Variants in AFF3 observed in about 807,000 individuals in gnomAD.
AFF3 encodes the protein AF4/FMR2 family member 3.
A neutral mutation model predicts 129.7 loss-of-function variants in AFF3; 32 were observed. That is an observed-to-expected ratio of 0.25 (90% CI 0.19 to 0.33). AFF3 has a LOEUF of 0.33. Ranked by LOEUF, AFF3 falls within the 10% of genes least tolerant of loss-of-function variation. The pLI is 1.00. For synonymous variants in AFF3, 644 were observed against 635.4 expected (o/e 1.01, Z -0.20); for missense variants, 1,373 against 1,592.0 (o/e 0.86, Z 2.34).
intron 19 of AFF3, among the ~76,000 whole-genome samples, chr2:99,567,286 G>A (rs1233588044): frequency 6.6e-6 from 1 of 151,976 alleles, no homozygotes; most frequent in Non-Finnish European, 1.5e-5. Flanking sequence ...GGCCTATAAT[G>A]CAACATTTCT....
At chr2:99,861,421 T>A (rs1690990546) in intron 7 of AFF3, among the ~76,000 whole-genome samples, 1 of 152,122 alleles carries the variant, frequency 6.6e-6, no homozygotes, top group South Asian at 2.1e-4. Flanking sequence ...TGTTTCAGTT[T>A]CCCCCACTAC....
At chr2:99,904,445 G>A (rs902437186) in intron 7 of AFF3, among the ~76,000 whole-genome samples, 2 of 150,628 alleles carry the variant, frequency 1.3e-5, no homozygotes, top group Non-Finnish European at 2.9e-5. Flanking sequence ...AATACACTCT[G>A]CCTTGGGGCC....
At chr2:99,886,840 A>G (rs1693149240) in intron 7 of AFF3, among the ~76,000 whole-genome samples, 1 of 152,202 alleles carries the variant, frequency 6.6e-6, no homozygotes, top group African/African-American at 2.4e-5. Context: ...TACCATATGT[A>G]TTTAGGATAC....
intron 4 of AFF3, among the ~76,000 whole-genome samples, chr2:100,039,506 A>T (rs1685249515): frequency 6.6e-6 from 1 of 152,062 alleles, no homozygotes; most frequent in Admixed American, 6.6e-5. Context: ...GCAATGAGCT[A>T]TGATGGCACC....
chr2:100,110,699 G>T (rs1173583870), intron 2 of AFF3, among the ~76,000 whole-genome samples: 1 of 152,194 alleles, frequency 6.6e-6, no homozygotes, highest in Non-Finnish European at 1.5e-5. Flanking sequence ...ACAAGAAGAA[G>T]CAGAGAGCAG....
chr2:99,707,436 T>C (rs2104838670), intron 11 of AFF3: 1 of 985,422 alleles, frequency 1.0e-6, no homozygotes, highest in Middle Eastern at 5.2e-4. Context: ...AAGTATCAGA[T>C]AATTTTTTTG....
intron 7 of AFF3, among the ~76,000 whole-genome samples, chr2:99,917,152 C>CA (rs1695527154): frequency 6.6e-6 from 1 of 152,196 alleles, no homozygotes; most frequent in African/African-American, 2.4e-5. Flanking sequence ...TACCCCATTG[C>CA]AGGGATATGG....
intron 20 of AFF3, among the ~76,000 whole-genome samples, chr2:99,563,030 T>TGGA (rs70940177): frequency 0.47 from 71,390 of 150,934 alleles, 19,931 homozygotes; most frequent in African/African-American, 0.79. Flanking sequence ...AGTTCCCTGG[T>TGGA]GAAGGGAATT....
In AFF3 at chr2:99,861,170, T is replaced by C. The variant is rs146277811; in HGVS notation, c.874-23646A>G. 4.7e-3 allele frequency among the ~76,000 whole-genome samples: 713 copies of C among 152,338 alleles called. 1 individual carries two copies. Among genetic ancestry groups the C allele is most frequent in the African/African-American group, 0.017 (689 of 41,578 alleles). ...GTAACAGACCAGATTTTCAGCAATGTTGCCAGTTAAATGATGGGTTTTGGT... is the reference window on the plus strand; with the variant it reads ...GTAACAGACCAGATTTTCAGCAATGCTGCCAGTTAAATGATGGGTTTTGGT... On this transcript the variant is annotated intron_variant, in intron 7 of 24. Transcript: ENST00000672756.
rs1476764673 is a variant in AFF3 at position 100,105,555 on chromosome 2, G to C, written c.-116C>G. On this transcript the variant is annotated 5_prime_UTR_variant, in exon 3 of 25. Coordinates refer to ENST00000672756, the MANE Select transcript of AFF3 (RefSeq NM_001386135.1). ...GGTGTCGACTTCAAACTTGCCGCCCGTCTCCGGTCTGGAAAGGCAGGTGAT... is the reference window on the plus strand; with the variant it reads ...GGTGTCGACTTCAAACTTGCCGCCCCTCTCCGGTCTGGAAAGGCAGGTGAT... The C allele has an allele frequency of 1.5e-6, 2 of 1,332,092 alleles. No homozygotes were observed. Among genetic ancestry groups the C allele is most frequent in the Non-Finnish European group, 2.0e-6 (2 of 1,005,092 alleles). The allele number at this position is 1,332,092 out of a possible 1,614,324, so 82.5% of individuals were successfully genotyped here.
At chr2:99,997,021 A>G (rs888760535) in intron 7 of AFF3, among the ~76,000 whole-genome samples, 7 of 151,936 alleles carry the variant, frequency 4.6e-5, no homozygotes, top group African/African-American at 1.7e-4. Context: ...GTTCCTTCTC[A>G]TCAGACTGAC....
At chr2:99,731,065 C>T (rs1679785261) in intron 10 of AFF3, among the ~76,000 whole-genome samples, 1 of 152,074 alleles carries the variant, frequency 6.6e-6, no homozygotes, top group African/African-American at 2.4e-5. Context: ...TCAAGTGATT[C>T]TCCTGCCTCA....
At chr2:99,589,843 CA>C (rs2104922300) in intron 15 of AFF3, among the ~76,000 whole-genome samples, 1 of 152,286 alleles carries the variant, frequency 6.6e-6, no homozygotes, top group East Asian at 1.9e-4. Flanking sequence ...GTTCAAAAAG[CA>C]GGAAAAGAGT....
At chr2:99,599,688 T>A (rs1679632254) in intron 14 of AFF3, among the ~76,000 whole-genome samples, 1 of 152,176 alleles carries the variant, frequency 6.6e-6, no homozygotes, top group East Asian at 1.9e-4. Flanking sequence ...TGGATGATCT[T>A]CACAGACACA....
intron 8 of AFF3, among the ~76,000 whole-genome samples, chr2:99,755,404 A>G (rs1682012774): frequency 6.6e-6 from 1 of 151,590 alleles, no homozygotes; most frequent in South Asian, 2.1e-4. Flanking sequence ...AGTAGCTGGG[A>G]TTACAGGCAT....
rs770634672 is a variant in AFF3 at position 99,554,373 on chromosome 2, T to C, written c.3497A>G (p.Asn1166Ser). 14 of 1,614,024 alleles carry C rather than the reference T, an allele frequency of 8.7e-6. No homozygotes were observed. The highest frequency in any genetic ancestry group is 3.3e-5 in the Admixed American group (2 of 59,996). ...QMAANHVSIT[N>S]SILHSYDYWE... Reference sequence around the variant, plus strand: ...GTAGTCGTAGCTGTGCAGGATGCTGTTGGTGATGCTGACGTGGTTGGCCGC... The same window carrying C: ...GTAGTCGTAGCTGTGCAGGATGCTGCTGGTGATGCTGACGTGGTTGGCCGC... Residue 1166 changes from asparagine to serine, a missense_variant, in exon 24 of 25, where the codon AAC (asparagine) becomes AGC (serine). Around this residue, in one of 9 missense-constraint regions of AFF3, gnomAD observed 165 missense variants for 234.0 expected, o/e 0.71. Coordinates refer to ENST00000672756, the MANE Select transcript of AFF3 (RefSeq NM_001386135.1).
intron 4 of AFF3, among the ~76,000 whole-genome samples, chr2:100,047,749 T>C (rs1685955507): frequency 6.6e-6 from 1 of 152,238 alleles, no homozygotes; most frequent in African/African-American, 2.4e-5. Flanking sequence ...TAAAACATCA[T>C]GTCCTCTGTG....
At chr2:100,118,725 A>G (rs1691826700) in intron 2 of AFF3, among the ~76,000 whole-genome samples, 2 of 152,008 alleles carry the variant, frequency 1.3e-5, no homozygotes, top group Non-Finnish European at 2.9e-5. Context: ...CCCAAATCTT[A>G]GCACTGTTTA....
chr2:100,005,555 T>C (rs773590505), intron 7 of AFF3, among the ~76,000 whole-genome samples: 5 of 152,222 alleles, frequency 3.3e-5, no homozygotes, highest in East Asian at 1.9e-4. Flanking sequence ...TAAATGCCTA[T>C]AGAAATTACA....
Sources: allele counts gnomAD v4.1 joint callset (sites outside exome capture counted in the v4.1 genomes callset), GRCh38; gene constraint gnomAD v4.1.1; regional missense constraint gnomAD v4.1.1; transcripts MANE v1.5; gene names NCBI Gene and HGNC (gene_info 2026-07-23, HGNC 2026-07-21).